The following RBM26 variants were observed in gnomAD, a reference collection of about 807,000 sequenced individuals.
RBM26 encodes RNA binding motif protein 26.
In RBM26, 30 loss-of-function variants were observed where a neutral mutation model predicts 123.6. That is an observed-to-expected ratio of 0.24 (90% confidence interval 0.18 to 0.33). The LOEUF (loss-of-function observed/expected upper bound fraction) is 0.33. RBM26 is among the 10% of genes least tolerant of loss of function. RBM26 has a pLI of 1.00. For missense variants in RBM26, 947 were observed against 1,203.6 expected (o/e 0.79, Z 3.15); for synonymous variants, 400 against 404.4 (o/e 0.99, Z 0.13).
At chr13:79,354,920 G>C (rs1479748321) in intron 12 of RBM26, among the ~76,000 whole-genome samples, 2 of 152,182 alleles carry the variant, frequency 1.3e-5, no homozygotes, top group African/African-American at 2.4e-5. Context: ...GAATCTCTAA[G>C]ATGAACCTAC....
chr13:79,316,129 C>A (rs532596145), downstream of RBM26, among the ~76,000 whole-genome samples: 12 of 149,646 alleles, frequency 8.0e-5, no homozygotes, highest in East Asian at 2.4e-3. Flanking sequence ...GTTAACTAAG[C>A]CAGAATTTCA....
rs1484962913 is a variant in RBM26, at chr13:79,319,383, T to C, written c.*1238A>G. ...ACCCCCATTCTACAAAGAATGCATT[T>C]ATTTCCTGGAAACTGCCATATCAAC... is the stretch of plus-strand genomic sequence containing the variant. On this transcript the variant is annotated 3_prime_UTR_variant, in exon 22 of 22. Coordinates refer to ENST00000438737, the MANE Select transcript of RBM26 (RefSeq NM_001366735.2). 4 of 984,470 alleles carry C rather than the reference T, an allele frequency of 4.1e-6. No homozygotes were observed. In the African/African-American group the frequency reaches 7.0e-5, roughly 17 times the overall value. 61.0% of individuals were successfully genotyped at this position (984,470 alleles called of 1,614,324 possible).
chr13:79,347,922 C>A (rs886553148), intron 14 of RBM26, among the ~76,000 whole-genome samples: 16 of 151,822 alleles, frequency 1.1e-4, no homozygotes, highest in African/African-American at 3.6e-4. Flanking sequence ...TCTTTTATTG[C>A]AGATTTCCTT....
At chr13:79,403,833 G>A (rs1350550278) in intron 1 of RBM26, among the ~76,000 whole-genome samples, 2 of 152,140 alleles carry the variant, frequency 1.3e-5, no homozygotes, top group African/African-American at 2.4e-5. Context: ...TTTTGCTAAG[G>A]TTACCAATGA....
chr13:79,352,405 C>T (rs2073370718), intron 14 of RBM26, among the ~76,000 whole-genome samples: 1 of 151,644 alleles, frequency 6.6e-6, no homozygotes, highest in South Asian at 2.1e-4. Context: ...TTAATTCTCA[C>T]ATTCTGTGAT....
At chr13:79,321,857 T>A (rs2067711046) in intron 21 of RBM26, among the ~76,000 whole-genome samples, 1 of 151,462 alleles carries the variant, frequency 6.6e-6, no homozygotes, top group African/African-American at 2.4e-5. Context: ...GTTTCTTATG[T>A]GTCTGCCACC....
In RBM26 at chr13:79,367,010, A is replaced by G. The variant is rs951572414; in HGVS notation, c.896-138T>C. 1.9e-5 allele frequency: 13 copies of G among 669,972 alleles called. No homozygotes were observed. In the Admixed American group the frequency reaches 4.3e-4, roughly 22 times the overall value. 41.5% of individuals were successfully genotyped at this position (669,972 alleles called of 1,614,324 possible). On this transcript the variant is annotated intron_variant, in intron 6 of 21. Coordinates refer to ENST00000438737, the MANE Select transcript of RBM26 (RefSeq NM_001366735.2). ...AAAGTATAATTAACCATTTCCCAAG[A>G]GCTACCTGATCTTCTCCAGTAATAT... is the stretch of plus-strand genomic sequence containing the variant.
chr13:79,358,818 A>G (rs1406379385), intron 10 of RBM26, among the ~76,000 whole-genome samples: 1 of 152,172 alleles, frequency 6.6e-6, no homozygotes, highest in East Asian at 1.9e-4. Context: ...TATGTTTTAA[A>G]TTTGATTTTA....
At chr13:79,352,937 T>C (rs777560290) in intron 14 of RBM26, among the ~76,000 whole-genome samples, 1 of 151,932 alleles carries the variant, frequency 6.6e-6, no homozygotes, top group Non-Finnish European at 1.5e-5. Context: ...ATGGAGTACA[T>C]GGAAATATAG....
At position 79,387,225 on chromosome 13, in the gene RBM26, GA is replaced by G. The variant is rs1198002180; in HGVS notation, c.72-8319del. Among the ~76,000 whole-genome samples the G allele has an allele frequency of 5.9e-5, 9 of 151,792 alleles. No individual in the cohort carries two copies. In the East Asian group the frequency reaches 7.7e-4, roughly 13 times the overall value. On this transcript the variant is annotated intron_variant, in intron 1 of 21. Coordinates refer to ENST00000438737, the MANE Select transcript of RBM26 (RefSeq NM_001366735.2). ...TACAAATAAATATAATTACAAATAA[GA>G]CACACTTTATTAACCTGCCAAGCAC...
intron 12 of RBM26, 47 bp downstream of exon 12, chr13:79,355,171 AAG>A: frequency 6.4e-7 from 1 of 1,559,264 alleles, no homozygotes; most frequent in Non-Finnish European, 8.8e-7. Flanking sequence ...ACGCTATGCT[AAG>A]AGCTTTCTAA....
At chr13:79,313,873 C>CAAAAAAAA (rs56766972), downstream of RBM26, 1 of 128,462 alleles carries the variant, frequency 7.8e-6, no homozygotes, top group African/African-American at 2.8e-5. Flanking sequence ...AGCTTTGCAC[C>CAAAAAAAA]AAAAAAAAAA....
In RBM26 at chr13:79,322,410, T is replaced by C. The variant is rs755084357; in HGVS notation, c.2873A>G (p.Asn958Ser). 6.3e-7 allele frequency: 1 copy of C among 1,582,496 alleles called. No individual in the cohort carries two copies. Among genetic ancestry groups the C allele is most frequent in the Non-Finnish European group, 8.6e-7 (1 of 1,167,456 alleles). The change falls in exon 21 of 22, where the codon AAT becomes AGT. Residue 958 changes from asparagine to serine, a missense_variant. Coordinates refer to ENST00000438737, the MANE Select transcript of RBM26 (RefSeq NM_001366735.2). ...AGCTGAAATATTAGTTACTGGTTTA[T>C]TCCATGCCAGTTTTAGATCTTGCCC... The part of the protein sequence containing the change: ...FKGQDLKLAW[N>S]KPVTNISAVE...
At chr13:79,372,819 A>ATAATTATATG in intron 3 of RBM26, among the ~76,000 whole-genome samples, 1 of 90,448 alleles carries the variant, frequency 1.1e-5, no homozygotes, top group East Asian at 2.1e-4. Flanking sequence ...ATATATTTAT[A>ATAATTATATG]ATAAATATTT....
intron 20 of RBM26, among the ~76,000 whole-genome samples, chr13:79,327,474 G>C (rs572619825): frequency 6.6e-6 from 1 of 151,792 alleles, no homozygotes; most frequent in South Asian, 2.1e-4. Context: ...TTTTCTAAAG[G>C]TAAACGATGA....
At chr13:79,394,781 C>T (rs1407391655) in intron 1 of RBM26, among the ~76,000 whole-genome samples, 1 of 152,078 alleles carries the variant, frequency 6.6e-6, no homozygotes, top group Non-Finnish European at 1.5e-5. Context: ...TTACAGGCAC[C>T]CATAACAACA....
intron 20 of RBM26, among the ~76,000 whole-genome samples, chr13:79,327,363 C>T (rs1295508310): frequency 1.3e-5 from 2 of 151,490 alleles, no homozygotes; most frequent in Non-Finnish European, 2.9e-5. Flanking sequence ...TGTATTCTAC[C>T]TTAAGACAAA....
intron 1 of RBM26, among the ~76,000 whole-genome samples, chr13:79,388,376 G>A (rs181224581): frequency 8.5e-5 from 13 of 152,348 alleles, no homozygotes; most frequent in Admixed American, 5.9e-4. Context: ...GACTATAGGC[G>A]TGAGCCACCT....
downstream of RBM26, among the ~76,000 whole-genome samples, chr13:79,317,667 C>A (rs2067275640): frequency 6.6e-6 from 1 of 151,616 alleles, no homozygotes; most frequent in Non-Finnish European, 1.5e-5. Flanking sequence ...ATTTATTAGT[C>A]CAAAATATTA....
Sources: gnomAD v4.1 joint callset for allele counts (sites outside exome capture counted in the v4.1 genomes callset) on GRCh38, gnomAD v4.1.1 for gene constraint, MANE v1.5 for transcripts, NCBI Gene and HGNC (gene_info 2026-07-23, HGNC 2026-07-21) for gene names.